Variants in CAMK2D observed in about 807,000 individuals in gnomAD.
CAMK2D encodes the protein calcium/calmodulin-dependent protein kinase type II subunit delta.
In CAMK2D, 37 loss-of-function variants were observed where a neutral mutation model predicts 84.0. The observed-to-expected ratio is 0.44, with a 90% CI of 0.34 to 0.58. The LOEUF (loss-of-function observed/expected upper bound fraction) is 0.58. Ranked by LOEUF, CAMK2D falls within the 20% of genes least tolerant of loss-of-function variation. CAMK2D has a pLI of 0.02. For synonymous variants in CAMK2D, 202 were observed against 212.5 expected, an observed-to-expected ratio of 0.95 and a Z score of 0.43; for missense variants, 448 against 652.5, an observed-to-expected ratio of 0.69 and a Z score of 3.41.
At chr4:113,502,741 T>G (rs1474829460) in intron 15 of CAMK2D, among the ~76,000 whole-genome samples, 195 bp downstream of exon 15, 3 of 152,190 alleles carry the variant, frequency 2.0e-5, no homozygotes, top group Non-Finnish European at 4.4e-5. Flanking sequence ...CATTAGTTTC[T>G]CTTTCAAGAT....
chr4:113,690,715 G>C (rs992586313), intron 2 of CAMK2D, among the ~76,000 whole-genome samples: 1 of 152,100 alleles, frequency 6.6e-6, no homozygotes, highest in African/African-American at 2.4e-5. Flanking sequence ...ACAATTTCCA[G>C]ATCAGTCCTG....
In CAMK2D at chr4:113,489,134, A is replaced by T. The variant is rs1437284393; in HGVS notation, c.1135+11329T>A. On this transcript the variant is annotated intron_variant, in intron 16 of 20. Transcript: ENST00000511664. ...TCAGCAGGTAGTATATGCGGACAGT[A>T]ATTTTTCTTTTTTTTTTATTATACT... is the stretch of plus-strand genomic sequence containing the variant. 6.0e-5 allele frequency among the ~76,000 whole-genome samples: 9 copies of T among 151,232 alleles called. No homozygotes were observed. The East Asian group carries it at 1.5e-3, about 26-fold the overall frequency.
rs190840269 is a variant in CAMK2D at position 113,523,591 on chromosome 4, G to A, written c.602-5934C>T. On this transcript the variant is annotated intron_variant, in intron 8 of 20. Coordinates refer to ENST00000511664, the MANE Select transcript of CAMK2D (RefSeq NM_001321571.2). The stretch of plus-strand genomic sequence containing the variant: ...AGTTTGAGACCAGCCTGGGCAACAT[G>A]GCAAAACCCTGTCTCTACAAAAAGT... Among the ~76,000 whole-genome samples, 1,066 of 152,022 alleles carry A rather than the reference G, an allele frequency of 7.0e-3. 8 individuals carry two copies. Among genetic ancestry groups the A allele is most frequent in the Middle Eastern group, 0.014 (4 of 294 alleles).
At chr4:113,467,880 A>C (rs2097495435) in intron 16 of CAMK2D, among the ~76,000 whole-genome samples, 3 of 152,202 alleles carry the variant, frequency 2.0e-5, no homozygotes, top group Non-Finnish European at 4.4e-5. Context: ...AGGATCTCAG[A>C]AAATGAGATT....
intron 2 of CAMK2D, among the ~76,000 whole-genome samples, chr4:113,736,151 C>A (rs776330667): frequency 2.0e-5 from 3 of 149,886 alleles, no homozygotes; most frequent in Non-Finnish European, 3.0e-5. Context: ...AAAAACAACA[C>A]CCAGTAACAT....
At chr4:113,729,108 T>C (rs1246152548) in intron 2 of CAMK2D, among the ~76,000 whole-genome samples, 1 of 152,144 alleles carries the variant, frequency 6.6e-6, no homozygotes, top group Non-Finnish European at 1.5e-5. Context: ...TAACAGTGGA[T>C]TATATATTAA....
intron 4 of CAMK2D, among the ~76,000 whole-genome samples, chr4:113,557,372 A>T (rs2098671986): frequency 6.6e-6 from 1 of 152,080 alleles, no homozygotes; most frequent in African/African-American, 2.4e-5. Flanking sequence ...CTATCTTCCA[A>T]TTGAGGCCCT....
intron 16 of CAMK2D, among the ~76,000 whole-genome samples, chr4:113,497,678 G>A (rs755933363): frequency 4.6e-5 from 7 of 152,184 alleles, no homozygotes; most frequent in Non-Finnish European, 1.0e-4. Flanking sequence ...ACATTGGAGA[G>A]GACACAGAAG....
chr4:113,736,125 G>A (rs2099580664), intron 2 of CAMK2D, among the ~76,000 whole-genome samples: 1 of 46,870 alleles, frequency 2.1e-5, no homozygotes, highest in Admixed American at 3.4e-4. Flanking sequence ...TGACTCACTA[G>A]TAGAATTAAA....
At chr4:113,753,570 T>A (rs1308501024) in intron 2 of CAMK2D, among the ~76,000 whole-genome samples, 1 of 151,948 alleles carries the variant, frequency 6.6e-6, no homozygotes, top group African/African-American at 2.4e-5. Flanking sequence ...GTCTATGATT[T>A]CTCCTTAAGT....
chr4:113,709,746 G>GATATATACATATATATATAT lies in CAMK2D; in HGVS notation c.161-47975_161-47974insATATATATATATGTATATAT, dbSNP rs1298341709. Among the ~76,000 whole-genome samples, 69 of 49,798 alleles carry GATATATACATATATATATAT rather than the reference G, an allele frequency of 1.4e-3. 3 individuals carry two copies. Among genetic ancestry groups the GATATATACATATATATATAT allele is most frequent in the African/African-American group, 7.3e-3 (65 of 8,920 alleles). 32.7% of individuals were successfully genotyped at this position (49,798 alleles called of 152,430 possible). ...GAGTGAAAAGCTAAAAGCCGTGAAC[G>GATATATACATATATATATAT]ATATATATATATATATATATATATA... On this transcript the variant is annotated intron_variant, in intron 2 of 20. Transcript: ENST00000511664.
chr4:113,508,411 G>A (rs1187997004), intron 13 of CAMK2D: 20 of 644,012 alleles, frequency 3.1e-5, no homozygotes, highest in South Asian at 5.5e-5. Context: ...CTGGAAATGC[G>A]TTCTATGTAA....
intron 2 of CAMK2D, among the ~76,000 whole-genome samples, chr4:113,718,369 T>C (rs2099519860): frequency 2.6e-5 from 4 of 152,150 alleles, no homozygotes; most frequent in African/African-American, 7.2e-5. Flanking sequence ...GCTGTCCTCT[T>C]GTACTGAATC....
At chr4:113,546,600 A>T (rs1420394520) in intron 6 of CAMK2D, among the ~76,000 whole-genome samples, 1 of 152,206 alleles carries the variant, frequency 6.6e-6, no homozygotes, top group Non-Finnish European at 1.5e-5. Context: ...TATAACCAGA[A>T]AAGTCTGCAC....
At chr4:113,758,276 C>T (rs1353412255) in intron 2 of CAMK2D, among the ~76,000 whole-genome samples, 1 of 152,032 alleles carries the variant, frequency 6.6e-6, no homozygotes, top group Non-Finnish European at 1.5e-5. Flanking sequence ...AAACAACAAC[C>T]CATGTGAATG....
At chr4:113,552,192 G>C (rs1223361124) in intron 4 of CAMK2D, 96 bp from the exon 5 acceptor site, 3 of 643,066 alleles carry the variant, frequency 4.7e-6, no homozygotes, top group East Asian at 2.7e-5. Flanking sequence ...GTTTTTCTTA[G>C]ATGATTTAAA....
At chr4:113,747,370 C>T (rs1326224677) in intron 2 of CAMK2D, among the ~76,000 whole-genome samples, 1 of 149,448 alleles carries the variant, frequency 6.7e-6, no homozygotes, top group Non-Finnish European at 1.5e-5. Context: ...AGTTCTAGGT[C>T]CTCAAATGTG....
intron 4 of CAMK2D, among the ~76,000 whole-genome samples, chr4:113,554,050 C>A (rs1214177893): frequency 6.6e-6 from 1 of 152,078 alleles, no homozygotes. Context: ...GTTTAATAAA[C>A]ATTGATTAAA....
intron 2 of CAMK2D, among the ~76,000 whole-genome samples, chr4:113,691,378 G>A (rs1055634350): frequency 1.3e-5 from 2 of 152,140 alleles, no homozygotes; most frequent in African/African-American, 2.4e-5. Context: ...ACATGCTAAT[G>A]GAAGGAATAA....
Sources: allele counts gnomAD v4.1 joint callset (sites outside exome capture counted in the v4.1 genomes callset), GRCh38; gene constraint gnomAD v4.1.1; transcripts MANE v1.5; gene names NCBI Gene and HGNC (gene_info 2026-07-23, HGNC 2026-07-21).